Variants in FAT3 observed in about 807,000 individuals in gnomAD.
FAT3 encodes the protein protocadherin Fat 3.
Under a neutral mutation model 310.2 loss-of-function variants are expected in FAT3, and 95 were observed. That is an observed-to-expected ratio of 0.31 (90% CI 0.26 to 0.36). The LOEUF is 0.36. Ranked by LOEUF, FAT3 falls within the 10% of genes least tolerant of loss-of-function variation. FAT3 has a pLI of 1.00. For missense variants in FAT3, 5,408 were observed against 5,715.6 expected (o/e 0.95, Z 1.74); for synonymous variants, 2,314 against 2,192.9 (o/e 1.06, Z -1.54).
chr11:92,828,800 A>G (rs1191372841), intron 13 of FAT3, among the ~76,000 whole-genome samples: 3 of 152,194 alleles, frequency 2.0e-5, no homozygotes, highest in Non-Finnish European at 4.4e-5. Flanking sequence ...AGCTTGGAGA[A>G]TGCAGAATCT....
chr11:92,654,492 T>C (rs1476424475), intron 3 of FAT3, among the ~76,000 whole-genome samples: 1 of 152,200 alleles, frequency 6.6e-6, no homozygotes, highest in East Asian at 1.9e-4. Flanking sequence ...TCTCCATAAA[T>C]GGTGCTACCG....
At chr11:92,827,346 C>G (rs1948127764) in intron 13 of FAT3, among the ~76,000 whole-genome samples, 1 of 152,198 alleles carries the variant, frequency 6.6e-6, no homozygotes, top group South Asian at 2.1e-4. Flanking sequence ...TTGCAGGGAG[C>G]ATCCACTGGA....
At chr11:92,269,413 T>C (rs1274742990) in intron 1 of FAT3, among the ~76,000 whole-genome samples, 2 of 152,172 alleles carry the variant, frequency 1.3e-5, no homozygotes, top group Non-Finnish European at 2.9e-5. Context: ...TAGATGAAAG[T>C]GAAAATTATC....
intron 11 of FAT3, among the ~76,000 whole-genome samples, chr11:92,805,862 CTATT>C (rs1947493658): frequency 6.6e-6 from 1 of 152,198 alleles, no homozygotes; most frequent in African/African-American, 2.4e-5. Context: ...AATTAAATCA[CTATT>C]TATTCTTTTC....
chr11:92,573,640 G>A (rs1443738499), intron 3 of FAT3, among the ~76,000 whole-genome samples: 2 of 152,114 alleles, frequency 1.3e-5, no homozygotes, highest in South Asian at 2.1e-4. Context: ...AAGACATAGA[G>A]CTACACAGAG....
chr11:92,312,737 A>G (rs927831632), intron 1 of FAT3, among the ~76,000 whole-genome samples: 34 of 152,182 alleles, frequency 2.2e-4, no homozygotes, highest in African/African-American at 7.7e-4. Flanking sequence ...TTCCCAAACA[A>G]CTCTTGAAGC....
At chr11:92,340,711 A>C (rs2134581076) in intron 1 of FAT3, among the ~76,000 whole-genome samples, 1 of 152,248 alleles carries the variant, frequency 6.6e-6, no homozygotes, top group Middle Eastern at 3.4e-3. Flanking sequence ...TGTTGTTAGG[A>C]ATATTCTGTG....
Position 92,352,170 on chromosome 11 carries a change from C to G in FAT3, c.58C>G (p.Leu20Val), listed in dbSNP as rs1948586166. ...GTRPPACCLI[L>V]LLFKLLATVS... ...ACGGCCTCCTGCTTGTTGCCTCATCCTCCTGCTTTTCAAGCTTTTGGCCAC... is the reference window on the plus strand; with the variant it reads ...ACGGCCTCCTGCTTGTTGCCTCATCGTCCTGCTTTTCAAGCTTTTGGCCAC... Residue 20 changes from leucine to valine, a missense_variant, in exon 2 of 28, where the codon CTC (leucine) becomes GTC (valine). Physicochemically the swap from Leu to Val is conservative, Grantham distance 32 (BLOSUM62 1). Transcript: ENST00000525166. The G allele has an allele frequency of 7.3e-7, 1 of 1,371,336 alleles. No individual in the cohort carries two copies. The highest frequency in any genetic ancestry group is 9.8e-7 in the Non-Finnish European group (1 of 1,024,784). The allele number at this position is 1,371,336 out of a possible 1,614,324, so 84.9% of individuals were successfully genotyped here.
intron 3 of FAT3, among the ~76,000 whole-genome samples, chr11:92,662,994 T>G (rs1035611286): frequency 6.6e-6 from 1 of 152,190 alleles, no homozygotes; most frequent in African/African-American, 2.4e-5. Context: ...AGTTCATTGC[T>G]GGAGACTGGC....
chr11:92,362,967 T>G (rs1418643091), intron 2 of FAT3, among the ~76,000 whole-genome samples: 1 of 152,186 alleles, frequency 6.6e-6, no homozygotes, highest in Non-Finnish European at 1.5e-5. Flanking sequence ...ATCTAACTTA[T>G]GCTCTCCACA....
chr11:92,410,785 C>G (rs1371090895), intron 2 of FAT3, among the ~76,000 whole-genome samples: 2 of 151,938 alleles, frequency 1.3e-5, no homozygotes, highest in South Asian at 2.1e-4. Context: ...GCCTCCCTGC[C>G]AGAACCAGGC....
chr11:92,449,465 T>G (rs563815159), intron 2 of FAT3, among the ~76,000 whole-genome samples: 5 of 151,320 alleles, frequency 3.3e-5, no homozygotes, highest in African/African-American at 1.2e-4. Flanking sequence ...CTGAGTGCAG[T>G]ATACCTGGTT....
chr11:92,229,507 G>GTTTTTTTTT (rs1565339350), intron 1 of FAT3, among the ~76,000 whole-genome samples: 18 of 58,148 alleles, frequency 3.1e-4, no homozygotes, highest in East Asian at 2.0e-3. Flanking sequence ...TTTTTTTTTT[G>GTTTTTTTTT]TTTTTTGTTT....
At chr11:92,268,987 A>G (rs897533097) in intron 1 of FAT3, among the ~76,000 whole-genome samples, 2 of 152,182 alleles carry the variant, frequency 1.3e-5, no homozygotes, top group African/African-American at 4.8e-5. Flanking sequence ...GGATGTATTC[A>G]GGTGTTTTTA....
intron 2 of FAT3, among the ~76,000 whole-genome samples, chr11:92,414,935 G>A (rs1168511207): frequency 1.3e-5 from 2 of 151,908 alleles, no homozygotes; most frequent in South Asian, 2.1e-4. Flanking sequence ...GCATGAACCC[G>A]GGAGGCGGAG....
chr11:92,855,476 T>A (rs1356850853), intron 19 of FAT3, among the ~76,000 whole-genome samples: 1 of 152,230 alleles, frequency 6.6e-6, no homozygotes, highest in Non-Finnish European at 1.5e-5. Context: ...AAAGGAGGCA[T>A]CATATCCTTT....
chr11:92,611,325 A>G (rs1279441597), intron 3 of FAT3, among the ~76,000 whole-genome samples: 2 of 152,116 alleles, frequency 1.3e-5, no homozygotes, highest in African/African-American at 4.8e-5. Context: ...GATGTCACCC[A>G]AGCTGATCTC....
At chr11:92,469,709 GT>G (rs1215382163) in intron 2 of FAT3, among the ~76,000 whole-genome samples, 1 of 151,892 alleles carries the variant, frequency 6.6e-6, no homozygotes, top group Non-Finnish European at 1.5e-5. Flanking sequence ...TAGAGATGGG[GT>G]TTCATCATGT....
chr11:92,635,810 T>C (rs1045576339), intron 3 of FAT3, among the ~76,000 whole-genome samples: 5 of 152,206 alleles, frequency 3.3e-5, no homozygotes, highest in Non-Finnish European at 7.3e-5. Context: ...AGAAAAGTGT[T>C]CTGTCTTGCA....
Sources: allele counts gnomAD v4.1 joint callset (sites outside exome capture counted in the v4.1 genomes callset), GRCh38; gene constraint gnomAD v4.1.1; transcripts MANE v1.5; gene names NCBI Gene and HGNC (gene_info 2026-07-23, HGNC 2026-07-21).